The following CLASP2 variants were observed in gnomAD, a reference collection of about 807,000 sequenced individuals.
CLASP2 encodes CLIP-associating protein 2.
A neutral mutation model predicts 194.4 loss-of-function variants in CLASP2; 47 were observed. The ratio of observed to expected loss-of-function variants is 0.24; its 90% CI spans 0.19 to 0.31. CLASP2 has a LOEUF of 0.31. Among genes scored for constraint, CLASP2 ranks in the 10% least tolerant of loss-of-function variants. CLASP2 has a pLI of 1.00. For missense variants in CLASP2, 1,445 were observed against 1,823.6 expected (o/e 0.79, Z 3.78); for synonymous variants, 619 against 633.5 (o/e 0.98, Z 0.34).
At position 33,640,534 on chromosome 3, in the gene CLASP2, ATGAGTGAG is replaced by A. The variant is rs145547577; in HGVS notation, c.862+4215_862+4222del. On this transcript the variant is annotated intron_variant, in intron 8 of 38. Coordinates refer to ENST00000682230, the MANE Select transcript of CLASP2 (RefSeq NM_001365631.1). ...GAAAATACACTGTCCACTTGAATGA[ATGAGTGAG>A]TGAGTGAGTGAGTGAGTAAAAGAGA... 5.7e-3 allele frequency among the ~76,000 whole-genome samples: 863 copies of A among 152,214 alleles called. 4 individuals carry two copies. The highest frequency in any genetic ancestry group is 9.8e-3 in the Non-Finnish European group (664 of 67,960).
rs543861498 is a variant in CLASP2 at position 33,580,305 on chromosome 3, T to C, written c.2347+1516A>G. Among the ~76,000 whole-genome samples the C allele has an allele frequency of 1.2e-4, 18 of 152,274 alleles. 1 individual carries two copies. Among genetic ancestry groups the C allele is most frequent in the Admixed American group, 3.9e-4 (6 of 15,302 alleles). Reference sequence around the variant, plus strand: ...GGCCAGGTGCAGTGGATCACACCTGTAATCCTAACACTTTGGGAGGCCGAG... The same window carrying C: ...GGCCAGGTGCAGTGGATCACACCTGCAATCCTAACACTTTGGGAGGCCGAG... On this transcript the variant is annotated intron_variant, in intron 23 of 38. Coordinates refer to ENST00000682230, the MANE Select transcript of CLASP2 (RefSeq NM_001365631.1).
intron 21 of CLASP2, 30 bp from the exon 22 acceptor site, chr3:33,584,950 A>G: frequency 1.3e-6 from 2 of 1,554,606 alleles, no homozygotes; most frequent in Non-Finnish European, 8.7e-7. Context: ...ACAAATGTTA[A>G]CATGTAAATG....
In CLASP2 at chr3:33,619,718, C is replaced by G. The variant is rs1181603301; in HGVS notation, c.1202G>C (p.Gly401Ala). The change falls in exon 12 of 39, where the codon GGA becomes GCA. Residue 401 changes from glycine to alanine, a missense_variant. Gly to Ala is a moderately conservative substitution (Grantham distance 60). Around this residue, in one of 4 missense-constraint regions of CLASP2, gnomAD observed 207 missense variants for 331.4 expected, o/e 0.62. Coordinates refer to ENST00000682230, the MANE Select transcript of CLASP2 (RefSeq NM_001365631.1). ...ITVAHLSTVL[G>A]NKFDHGAEAI... ...TTCAGCGCCATGATCAAACTTGTTT[C>G]CCAAAACTGTTGAAAGGTGGCTACA... The G allele has an allele frequency of 6.3e-7, 1 of 1,587,444 alleles. No individual in the cohort carries two copies. The highest frequency in any genetic ancestry group is 8.6e-7 in the Non-Finnish European group (1 of 1,166,874).
chr3:33,522,910 A>C (rs1257430365), intron 34 of CLASP2, among the ~76,000 whole-genome samples: 1 of 152,070 alleles, frequency 6.6e-6, no homozygotes, highest in Non-Finnish European at 1.5e-5. Flanking sequence ...CTCTACTAAA[A>C]ACACACACAC....
At chr3:33,609,182 A>T (rs2074573335) in intron 13 of CLASP2, among the ~76,000 whole-genome samples, 1 of 151,676 alleles carries the variant, frequency 6.6e-6, no homozygotes, top group Non-Finnish European at 1.5e-5. Flanking sequence ...TGAGAGGTGG[A>T]GGCAAGAGAA....
At chr3:33,517,216 T>A (rs2051568252) in intron 34 of CLASP2, 42 bp from the exon 35 acceptor site, 3 of 1,487,358 alleles carry the variant, frequency 2.0e-6, no homozygotes, top group Non-Finnish European at 2.7e-6. Flanking sequence ...CTTTATAGGG[T>A]GACTCTCACA....
chr3:33,631,529 C>T (rs567509289), intron 9 of CLASP2, among the ~76,000 whole-genome samples: 173 of 152,168 alleles, frequency 1.1e-3, no homozygotes, highest in Non-Finnish European at 2.1e-3. Flanking sequence ...AACCCCGTCT[C>T]TACTAAAAAT....
chr3:33,640,839 A>T (rs1211877316), intron 8 of CLASP2, among the ~76,000 whole-genome samples: 1 of 152,104 alleles, frequency 6.6e-6, no homozygotes, highest in Non-Finnish European at 1.5e-5. Context: ...TAAAAATTAA[A>T]GGTCTGCTTA....
intron 32 of CLASP2, among the ~76,000 whole-genome samples, chr3:33,540,413 A>T (rs554006352): frequency 4.0e-5 from 6 of 150,354 alleles, no homozygotes; most frequent in South Asian, 2.1e-4. Flanking sequence ...ATTTAAAAAA[A>T]TTTTTTTTTG....
At chr3:33,633,160 A>C (rs1414938735) in intron 8 of CLASP2, among the ~76,000 whole-genome samples, 1 of 152,114 alleles carries the variant, frequency 6.6e-6, no homozygotes, top group Non-Finnish European at 1.5e-5. Context: ...CAGTTTTTCT[A>C]ACACTCACTG....
At chr3:33,578,566 T>C (rs1240925917) in intron 23 of CLASP2, among the ~76,000 whole-genome samples, 3 of 152,222 alleles carry the variant, frequency 2.0e-5, no homozygotes, top group African/African-American at 7.2e-5. Context: ...GAAAGGAGGA[T>C]GTAAACTAAG....
intron 9 of CLASP2, among the ~76,000 whole-genome samples, chr3:33,628,995 C>T (rs563719065): frequency 3.3e-5 from 5 of 151,866 alleles, no homozygotes; most frequent in Admixed American, 6.6e-5. Flanking sequence ...GTGCTAAATA[C>T]TGGTAGAAGA....
intron 9 of CLASP2, among the ~76,000 whole-genome samples, chr3:33,627,977 G>A (rs2078350096): frequency 6.6e-6 from 1 of 152,100 alleles, no homozygotes; most frequent in Non-Finnish European, 1.5e-5. Flanking sequence ...CAATGACCCA[G>A]GTGTGAGGAT....
At chr3:33,650,530 A>G (rs1416139994) in intron 7 of CLASP2, among the ~76,000 whole-genome samples, 1 of 152,174 alleles carries the variant, frequency 6.6e-6, no homozygotes, top group Non-Finnish European at 1.5e-5. Context: ...GTGGTTTTCT[A>G]TATAATGGAG....
At chr3:33,692,504 G>T (rs1033132575) in intron 2 of CLASP2, among the ~76,000 whole-genome samples, 1 of 152,050 alleles carries the variant, frequency 6.6e-6, no homozygotes, top group Admixed American at 6.5e-5. Context: ...GCACTGGATC[G>T]CTTTTTAACA....
intron 1 of CLASP2, among the ~76,000 whole-genome samples, chr3:33,715,226 C>A (rs1021212558): frequency 6.6e-6 from 1 of 152,232 alleles, no homozygotes; most frequent in African/African-American, 2.4e-5. Context: ...TTTACAAGCA[C>A]ATGCTATCTG....
At position 33,602,943 on chromosome 3, in the gene CLASP2, T is replaced by C. The variant is rs2072697030; in HGVS notation, c.1924+9A>G. 6.2e-7 allele frequency: 1 copy of C among 1,605,714 alleles called. No homozygotes were observed. Among genetic ancestry groups the C allele is most frequent in the Non-Finnish European group, 8.5e-7 (1 of 1,175,788 alleles). The stretch of plus-strand genomic sequence containing the variant: ...ACATGGTACAATTTTCCATAATCAG[T>C]TCTCTTACCTAGTGACGCATAGGAA... On this transcript the variant is annotated intron_variant, in intron 18 of 38. Coordinates refer to ENST00000682230, the MANE Select transcript of CLASP2 (RefSeq NM_001365631.1).
intron 6 of CLASP2, among the ~76,000 whole-genome samples, chr3:33,666,907 T>C (rs1399343769): frequency 2.0e-5 from 3 of 152,318 alleles, no homozygotes; most frequent in Non-Finnish European, 2.9e-5. Context: ...TCAGTTTTTA[T>C]TTTCGTCATC....
At chr3:33,521,453 C>A (rs1239119512) in intron 34 of CLASP2, among the ~76,000 whole-genome samples, 1 of 152,102 alleles carries the variant, frequency 6.6e-6, no homozygotes, top group Non-Finnish European at 1.5e-5. Flanking sequence ...GAAAAGAATG[C>A]ACCATCACTT....
Sources: allele counts gnomAD v4.1 joint callset (sites outside exome capture counted in the v4.1 genomes callset), GRCh38; gene constraint gnomAD v4.1.1; regional missense constraint gnomAD v4.1.1; transcripts MANE v1.5; gene names NCBI Gene and HGNC (gene_info 2026-07-23, HGNC 2026-07-21).